SORCS2: variants seen among roughly 807,000 people sequenced by gnomAD.
The protein encoded by SORCS2 is sortilin related VPS10 domain containing receptor 2.
In SORCS2, 100 loss-of-function variants were observed where a neutral mutation model predicts 141.6. That is an observed-to-expected ratio of 0.71 (90% CI 0.60 to 0.83). SORCS2 has a LOEUF of 0.83. Ranked by LOEUF, SORCS2 falls within the 40% of genes least tolerant of loss-of-function variation. The probability of loss-of-function intolerance (pLI) is 0.00; values close to 1 mark genes in which losing one functional copy is unlikely to be tolerated. For missense variants in SORCS2, 1,646 were observed against 1,560.2 expected (o/e 1.05, Z -0.93); for synonymous variants, 789 against 676.9 (o/e 1.17, Z -2.57).
In SORCS2 at chr4:7,233,869, T is replaced by C. The variant is rs1430221727; in HGVS notation, c.480+40743T>C. ...AGGAGTCTGAGGTTTGCACTTGTAA[T>C]ACACTGTCCTGTCCGCTATCCCATC... is the stretch of plus-strand genomic sequence containing the variant. On this transcript the variant is annotated intron_variant, in intron 1 of 26. Coordinates refer to ENST00000507866, the MANE Select transcript of SORCS2 (RefSeq NM_020777.3). This position sits in a 1 kb window ranked among gnomAD's most constrained non-coding sequence, Gnocchi z 4.5. Among the ~76,000 whole-genome samples, 1 of 152,148 alleles carries C rather than the reference T, an allele frequency of 6.6e-6. No individual in the cohort carries two copies. The highest frequency in any genetic ancestry group is 2.4e-5 in the African/African-American group (1 of 41,422).
chr4:7,417,872 G>A (rs1031547544), intron 2 of SORCS2, among the ~76,000 whole-genome samples: 5 of 152,340 alleles, frequency 3.3e-5, no homozygotes, highest in African/African-American at 1.2e-4. Context: ...CACATGAAGG[G>A]TGAGGGGGAG....
Position 7,216,038 on chromosome 4 carries a change from A to G in SORCS2, c.480+22912A>G, listed in dbSNP as rs188017874. On this transcript the variant is annotated intron_variant, in intron 1 of 26. Transcript: ENST00000507866. ...TTTGCAATAAATCTTGCTACTGCTC[A>G]CTCTTTGGGTCCACACTGCTTTTAT... Among the ~76,000 whole-genome samples the G allele has an allele frequency of 2.4e-3, 361 of 151,810 alleles. 3 individuals carry two copies. In the Middle Eastern group the frequency reaches 0.061, roughly 26 times the overall value.
intron 1 of SORCS2, among the ~76,000 whole-genome samples, chr4:7,237,707 G>C (rs1012155141): frequency 6.6e-6 from 1 of 152,082 alleles, no homozygotes. Flanking sequence ...CATCTATAAA[G>C]TGGGAATAAT....
intron 3 of SORCS2, among the ~76,000 whole-genome samples, chr4:7,621,527 C>T (rs1445182585): frequency 6.8e-6 from 1 of 147,308 alleles, no homozygotes; most frequent in South Asian, 2.2e-4. Context: ...ATGTGTGTGT[C>T]TATGTGTGAG....
At chr4:7,196,837 T>C (rs74862098) in intron 1 of SORCS2, among the ~76,000 whole-genome samples, 2,071 of 152,310 alleles carry the variant, frequency 0.014, 36 homozygotes, top group African/African-American at 0.037. Flanking sequence ...GAAGAGCTTC[T>C]GAAACTTGTT....
chr4:7,658,632 A>T (rs111711300), intron 5 of SORCS2, among the ~76,000 whole-genome samples: 1 of 152,196 alleles, frequency 6.6e-6, no homozygotes, highest in African/African-American at 2.4e-5. Flanking sequence ...TCAATAGACT[A>T]CAGGGGAGTC....
At chr4:7,654,919 A>T (rs907248957) in intron 5 of SORCS2, among the ~76,000 whole-genome samples, 1 of 152,020 alleles carries the variant, frequency 6.6e-6, no homozygotes, top group Non-Finnish European at 1.5e-5. Context: ...TCCTCAGGGG[A>T]GCCTCTCAGT....
Position 7,715,177 on chromosome 4 carries a change from TC to T in SORCS2, c.2124-3del, listed in dbSNP as rs1203768801. On this transcript the variant is annotated splice_region_variant and splice_polypyrimidine_tract_variant and intron_variant, in intron 16 of 26. Coordinates refer to ENST00000507866, the MANE Select transcript of SORCS2 (RefSeq NM_020777.3). Reference sequence around the variant, plus strand: ...GTCACTTACCACTACTCTTCCCTCCTCCCAGCGACTACGGATTTGAGCGCTC... The same window carrying T: ...GTCACTTACCACTACTCTTCCCTCCTCCAGCGACTACGGATTTGAGCGCTC... 6 of 1,613,300 alleles carry T rather than the reference TC, an allele frequency of 3.7e-6. No homozygotes were observed. Among genetic ancestry groups the T allele is most frequent in the African/African-American group, 2.7e-5 (2 of 74,902 alleles).
intron 3 of SORCS2, among the ~76,000 whole-genome samples, chr4:7,555,253 C>T (rs1281848456): frequency 6.6e-6 from 1 of 152,242 alleles, no homozygotes; most frequent in East Asian, 1.9e-4. Flanking sequence ...TTTTAATGGC[C>T]ACTTTCCCAA....
chr4:7,297,305 G>T (rs1001728731), intron 1 of SORCS2, among the ~76,000 whole-genome samples: 10 of 152,184 alleles, frequency 6.6e-5, no homozygotes, highest in Non-Finnish European at 1.3e-4. Flanking sequence ...GAGTCGGTGG[G>T]GCTGGAGGGA....
chr4:7,573,759 G>C (rs534369015), intron 3 of SORCS2, among the ~76,000 whole-genome samples: 8 of 152,338 alleles, frequency 5.3e-5, no homozygotes, highest in Non-Finnish European at 1.0e-4. Flanking sequence ...CCAGAGGCCA[G>C]AGCCCCTGCC....
At chr4:7,598,380 G>A (rs868257775) in intron 3 of SORCS2, among the ~76,000 whole-genome samples, 1 of 152,176 alleles carries the variant, frequency 6.6e-6, no homozygotes, top group African/African-American at 2.4e-5. Context: ...AGGGGCTTCT[G>A]AGGGGCTCAC....
intron 1 of SORCS2, among the ~76,000 whole-genome samples, chr4:7,194,143 G>A (rs951993611): frequency 6.6e-6 from 1 of 152,110 alleles, no homozygotes; most frequent in Admixed American, 6.5e-5. Flanking sequence ...AATCCCCAGA[G>A]GAGGGTACAT....
intron 1 of SORCS2, among the ~76,000 whole-genome samples, chr4:7,226,170 G>T (rs35378577): frequency 0.064 from 9,695 of 152,248 alleles, 542 homozygotes; most frequent in East Asian, 0.26. Context: ...TGCCACCACT[G>T]AGGGAGTGTC....
chr4:7,690,424 G>T (rs773006798), intron 11 of SORCS2, among the ~76,000 whole-genome samples: 26 of 151,242 alleles, frequency 1.7e-4, no homozygotes, highest in Non-Finnish European at 2.5e-4. Context: ...GATGGTGGGT[G>T]TGTGGGTGGG....
chr4:7,517,196 T>A (rs535220171), intron 2 of SORCS2, among the ~76,000 whole-genome samples: 11 of 152,314 alleles, frequency 7.2e-5, no homozygotes, highest in African/African-American at 2.6e-4. Context: ...AGTGTTAGTG[T>A]TAGCTAGTCA....
At chr4:7,661,148 A>G (rs1722133921) in intron 5 of SORCS2, among the ~76,000 whole-genome samples, 1 of 152,238 alleles carries the variant, frequency 6.6e-6, no homozygotes, top group African/African-American at 2.4e-5. Context: ...AAAATGAAAA[A>G]GCAACGTGAA....
chr4:7,713,411 G>A (rs1367741552), intron 15 of SORCS2, among the ~76,000 whole-genome samples: 1 of 152,092 alleles, frequency 6.6e-6, no homozygotes, highest in East Asian at 1.9e-4. Context: ...GGGGGTGGGT[G>A]GCCCTGTTGA....
rs1426724975 is a variant in SORCS2, at chr4:7,500,383, G to A, written c.549-31147G>A. Among the ~76,000 whole-genome samples, 7 of 152,308 alleles carry A rather than the reference G, an allele frequency of 4.6e-5. No individual in the cohort carries two copies. The South Asian group carries it at 1.2e-3, about 27-fold the overall frequency. ...GCGCCAAACCCTCTGCCTGCATTGA[G>A]GACCTCCTGCAAACAGGCCCTGGAA... On this transcript the variant is annotated intron_variant, in intron 2 of 26. Transcript: ENST00000507866.
Sources: gnomAD v4.1 joint callset for allele counts (sites outside exome capture counted in the v4.1 genomes callset) on GRCh38, gnomAD v4.1.1 for gene constraint, Gnocchi (gnomAD v3.1) non-coding constraint, MANE v1.5 for transcripts, NCBI Gene and HGNC (gene_info 2026-07-23, HGNC 2026-07-21) for gene names.